Variants in OASL observed in about 807,000 individuals in gnomAD.
OASL encodes the protein 2'-5'-oligoadenylate synthase-like protein.
A neutral mutation model predicts 35.3 loss-of-function variants in OASL; 28 were observed. The observed-to-expected ratio is 0.79, with a 90% CI of 0.59 to 1.09. The LOEUF is 1.09. OASL is among the 50% of genes least tolerant of loss of function. The pLI is 0.00. For missense variants in OASL, 620 were observed against 635.2 expected (o/e 0.98, Z 0.26); for synonymous variants, 252 against 254.6 (o/e 0.99, Z 0.10).
chr12:121,036,972 C>T (rs1035820353), intron 1 of OASL, among the ~76,000 whole-genome samples: 8 of 152,284 alleles, frequency 5.3e-5, no homozygotes, highest in Admixed American at 2.0e-4. Flanking sequence ...CAAAACCACA[C>T]AGCTGGTAAA....
chr12:121,028,803 G>A (rs947891909), intron 3 of OASL, among the ~76,000 whole-genome samples: 1 of 152,126 alleles, frequency 6.6e-6, no homozygotes, highest in Non-Finnish European at 1.5e-5. Flanking sequence ...AGTGCCTCCC[G>A]CCCGTAATCC....
At chr12:121,021,093 C>T (rs745868119) in intron 5 of OASL, 35 bp from the exon 6 acceptor site, 5 of 1,517,474 alleles carry the variant, frequency 3.3e-6, no homozygotes. Context: ...GGTGTTAAGT[C>T]CACACTTCTT....
chr12:121,024,971 C>CTT (rs751576824), intron 4 of OASL, among the ~76,000 whole-genome samples: 5,485 of 63,766 alleles, frequency 0.086, 604 homozygotes, highest in Non-Finnish European at 0.11. Context: ...CCCTAAGTTC[C>CTT]TTTTTTTTTT....
At chr12:121,029,064 G>GAAAAAAAAAAAAAAAAAAAAAA (rs10577200) in intron 3 of OASL, among the ~76,000 whole-genome samples, 3 of 105,090 alleles carry the variant, frequency 2.9e-5, no homozygotes, top group Non-Finnish European at 1.9e-5. Context: ...ACTTGTCTCA[G>GAAAAAAAAAAAAAAAAAAAAAA]AAAAAAAAAA....
chr12:121,020,842 T>C, exon 6 of OASL: 1 of 1,614,026 alleles, frequency 6.2e-7, no homozygotes, highest in Non-Finnish European at 8.5e-7. Flanking sequence ...TAGATGTGAG[T>C]GTGGGAGAAG....
intron 5 of OASL, chr12:121,023,698 T>C (rs1869351074): frequency 3.3e-6 from 1 of 304,868 alleles, no homozygotes; most frequent in Non-Finnish European, 6.3e-6. Context: ...TGAGCTGACT[T>C]GGCTGGACCC....
rs187208959 is a variant in OASL at position 121,034,898 on chromosome 12, G to T, written c.199-1155C>A. Among the ~76,000 whole-genome samples, 54 of 152,214 alleles carry T rather than the reference G, an allele frequency of 3.5e-4. 1 individual carries two copies. Among genetic ancestry groups the T allele is most frequent in the African/African-American group, 1.2e-3 (51 of 41,538 alleles). Reference sequence around the variant, plus strand: ...CTGCTGCCGGGGGGTCAGTTTTCCTGTTAGTAATGGAAGGAGGTCGAGAAG... The same window carrying T: ...CTGCTGCCGGGGGGTCAGTTTTCCTTTTAGTAATGGAAGGAGGTCGAGAAG... On this transcript the variant is annotated intron_variant, in intron 1 of 5. Coordinates refer to ENST00000257570, the Ensembl canonical transcript of OASL.
rs561346122 is a variant in OASL at position 121,026,859 on chromosome 12, A to C, written c.899+717T>G. On this transcript the variant is annotated intron_variant, in intron 4 of 5. Transcript: ENST00000257570. ...AGAGCAAAACTCTGTCTTAAAAAAAAAAAAAAAAAGTTACGCAATGAGACC... is the reference window on the plus strand; with the variant it reads ...AGAGCAAAACTCTGTCTTAAAAAAACAAAAAAAAAGTTACGCAATGAGACC... Among the ~76,000 whole-genome samples the C allele has an allele frequency of 3.6e-4, 55 of 152,060 alleles. No individual in the cohort carries two copies. In the South Asian group the frequency reaches 8.3e-3, roughly 23 times the overall value.
chr12:121,039,234 G>T, exon 1 of OASL: 1 of 509,284 alleles, frequency 2.0e-6, no homozygotes, highest in South Asian at 2.6e-5. Context: ...CAGGCTGGCC[G>T]TCTAGTCAAT....
chr12:121,017,856 G>C (rs1468429215), downstream of OASL, among the ~76,000 whole-genome samples: 1 of 152,172 alleles, frequency 6.6e-6, no homozygotes, highest in Non-Finnish European at 1.5e-5. Flanking sequence ...AGAGGTTGTG[G>C]CAACGAGAAA....
intron 3 of OASL, among the ~76,000 whole-genome samples, chr12:121,030,072 A>G (rs549341406): frequency 1.3e-5 from 2 of 152,146 alleles, no homozygotes; most frequent in East Asian, 3.9e-4. Context: ...ACGGGGTTTC[A>G]CTATGTTGCT....
chr12:121,028,841 G>A (rs1268886221), intron 3 of OASL, among the ~76,000 whole-genome samples: 2 of 152,178 alleles, frequency 1.3e-5, no homozygotes, highest in Admixed American at 6.5e-5. Flanking sequence ...GAGGCGGGTG[G>A]ATCACTTGAG....
chr12:121,025,716 C>T (rs1039589245), intron 4 of OASL, among the ~76,000 whole-genome samples: 2 of 150,504 alleles, frequency 1.3e-5, no homozygotes, highest in Non-Finnish European at 3.0e-5. Context: ...GAGCCAAGAT[C>T]GTGCCACTGA....
At chr12:121,024,294 A>G (rs1043200335) in intron 4 of OASL, among the ~76,000 whole-genome samples, 157 bp from the exon 5 acceptor site, 1 of 152,184 alleles carries the variant, frequency 6.6e-6, no homozygotes. Flanking sequence ...GCAGGAGAGT[A>G]ACAGGATGGA....
chr12:121,027,654 C>G (rs771301337), exon 4 of OASL: 8 of 1,614,184 alleles, frequency 5.0e-6, no homozygotes, highest in Admixed American at 1.7e-5. Flanking sequence ...CCAGTAGATA[C>G]AGATGACTTC....
downstream of OASL, among the ~76,000 whole-genome samples, chr12:121,018,750 G>T (rs972878744): frequency 1.3e-5 from 2 of 151,354 alleles, no homozygotes; most frequent in Non-Finnish European, 2.9e-5. Flanking sequence ...GGTGCCTGTA[G>T]TCCCAGCTAC....
intron 4 of OASL, among the ~76,000 whole-genome samples, chr12:121,026,110 A>G (rs1483113386): frequency 1.3e-5 from 2 of 152,126 alleles, no homozygotes; most frequent in Admixed American, 1.3e-4. Context: ...TATACCTGGG[A>G]GGCAGAGGGG....
intron 4 of OASL, among the ~76,000 whole-genome samples, chr12:121,025,878 T>G (rs1303263181): frequency 1.3e-5 from 2 of 152,154 alleles, no homozygotes; most frequent in Non-Finnish European, 1.5e-5. Context: ...GCTACTGGAA[T>G]GAACTGGACT....
intron 3 of OASL, among the ~76,000 whole-genome samples, chr12:121,029,096 C>T (rs533711795): frequency 4.0e-4 from 59 of 147,256 alleles, no homozygotes; most frequent in African/African-American, 1.4e-3. Flanking sequence ...AAGAATTTCA[C>T]TGATACATTG....
Sources: gnomAD v4.1 joint callset for allele counts (sites outside exome capture counted in the v4.1 genomes callset) on GRCh38, gnomAD v4.1.1 for gene constraint, MANE v1.5 for transcripts, NCBI Gene and HGNC (gene_info 2026-07-23, HGNC 2026-07-21) for gene names.